Variants in TFB1M observed in about 807,000 individuals in gnomAD.
The protein encoded by TFB1M is dimethyladenosine transferase 1, mitochondrial.
Under a neutral mutation model 31.1 loss-of-function variants are expected in TFB1M, and 27 were observed. The observed-to-expected ratio is 0.87, with a 90% CI of 0.64 to 1.20. TFB1M has a LOEUF of 1.20. Ranked by LOEUF, TFB1M falls within the 50% of genes most tolerant of loss-of-function variation. The probability of loss-of-function intolerance (pLI) is 0.00; values close to 1 mark genes in which losing one functional copy is unlikely to be tolerated. For synonymous variants in TFB1M, 166 were observed against 151.8 expected, an observed-to-expected ratio of 1.09 and a Z score of -0.69; for missense variants, 394 against 418.7, an observed-to-expected ratio of 0.94 and a Z score of 0.51.
chr6:155,256,934 A>G lies in TFB1M; in HGVS notation c.*902T>C, dbSNP rs1224720728. The G allele has an allele frequency of 1.9e-6, 3 of 1,614,082 alleles. No homozygotes were observed. The highest frequency in any genetic ancestry group is 1.7e-6 in the Non-Finnish European group (2 of 1,180,052). On this transcript the variant is annotated 3_prime_UTR_variant, in exon 7 of 7. Transcript: ENST00000367166. ...TTCTGCCCCATTAAACGAAAAGCCA[A>G]CAGCACCAAGAGGGACAGAGGAACT...
chr6:155,254,406 C>T, downstream of TFB1M: 1 of 1,605,040 alleles, frequency 6.2e-7, no homozygotes, highest in Non-Finnish European at 8.5e-7. Context: ...GTTTTCTCTC[C>T]CCCCCCACCC....
At chr6:155,251,097 C>A in the TFB1M span, 2 of 1,251,392 alleles carry the variant, frequency 1.6e-6, no homozygotes, top group Non-Finnish European at 2.3e-6. Context: ...CCGCACCAGT[C>A]CAGCTCACTC....
chr6:155,262,567 C>T (rs1784438617), intron 5 of TFB1M, among the ~76,000 whole-genome samples: 1 of 152,192 alleles, frequency 6.6e-6, no homozygotes. Context: ...TTCTTACTAG[C>T]AGCCTGCTAG....
At chr6:155,246,768 G>A in the TFB1M span, among the ~76,000 whole-genome samples, 27 of 152,232 alleles carry the variant, frequency 1.8e-4, no homozygotes, top group South Asian at 4.1e-4. Flanking sequence ...TTGTCATAAA[G>A]AAGAGGGGTC....
chr6:155,295,010 T>C (rs1777100060), intron 4 of TFB1M, among the ~76,000 whole-genome samples: 1 of 152,204 alleles, frequency 6.6e-6, no homozygotes, highest in Admixed American at 6.5e-5. Context: ...CTACAAAGAA[T>C]GTTCAGGATA....
chr6:155,273,259 A>G (rs1395945910), intron 5 of TFB1M, among the ~76,000 whole-genome samples: 1 of 152,234 alleles, frequency 6.6e-6, no homozygotes, highest in Non-Finnish European at 1.5e-5. Context: ...TCCTAGGCAC[A>G]CTGATGTCTA....
chr6:155,251,098 C>T, the TFB1M span: 3 of 1,252,430 alleles, frequency 2.4e-6, no homozygotes, highest in Non-Finnish European at 2.3e-6. Context: ...CGCACCAGTC[C>T]AGCTCACTCC....
chr6:155,311,130 G>T, intron 2 of TFB1M, 58 bp downstream of exon 2: 2 of 1,584,200 alleles, frequency 1.3e-6, no homozygotes, highest in South Asian at 1.1e-5. Context: ...TAAGCATCAT[G>T]GCATAAAGAT....
the TFB1M span, chr6:155,250,880 G>T: frequency 6.3e-7 from 1 of 1,598,388 alleles, no homozygotes; most frequent in Non-Finnish European, 8.6e-7. Flanking sequence ...TGGGATTTCC[G>T]TATCTTCCTT....
intron 5 of TFB1M, chr6:155,264,434 A>G (rs1245572766): frequency 6.6e-6 from 1 of 152,256 alleles, no homozygotes; most frequent in African/African-American, 2.4e-5. Context: ...ATCCATGTCC[A>G]AAAGCCAATT....
chr6:155,279,238 C>G (rs1376007674), intron 5 of TFB1M, among the ~76,000 whole-genome samples: 1 of 149,924 alleles, frequency 6.7e-6, no homozygotes, highest in African/African-American at 2.5e-5. Context: ...ACCTGTGGAG[C>G]ACGTGTATAT....
Position 155,256,709 on chromosome 6 carries a change from G to A in TFB1M, c.*1127C>T. The A allele has an allele frequency of 6.2e-7, 1 of 1,614,240 alleles. No individual in the cohort carries two copies. On this transcript the variant is annotated 3_prime_UTR_variant, in exon 7 of 7. Transcript: ENST00000367166. ...TTTGCCGACAATCTCATCAAAGAGA[G>A]TGACATCCTGAGCGATGAAGATGAT...
At chr6:155,244,569 C>T in the TFB1M span, 1 of 1,456,488 alleles carries the variant, frequency 6.9e-7, no homozygotes, top group East Asian at 2.3e-5. Context: ...GAAGAATTTC[C>T]TTGTGATTTA....
At chr6:155,276,623 G>A (rs973499117) in intron 5 of TFB1M, 7 of 403,810 alleles carry the variant, frequency 1.7e-5, no homozygotes, top group Non-Finnish European at 3.1e-5. Flanking sequence ...ATTGAAAGAG[G>A]TTCTGATTAC....
intron 5 of TFB1M, among the ~76,000 whole-genome samples, chr6:155,278,197 C>T (rs1023215239): frequency 6.6e-6 from 1 of 152,224 alleles, no homozygotes; most frequent in South Asian, 2.1e-4. Flanking sequence ...CACTCCCTCA[C>T]TACCAAAGCT....
intron 4 of TFB1M, among the ~76,000 whole-genome samples, chr6:155,295,580 C>G (rs1572239): frequency 0.38 from 58,297 of 151,656 alleles, 11,731 homozygotes; most frequent in East Asian, 0.66. Context: ...CAGGAGTTCC[C>G]TTTATTAAGT....
At chr6:155,251,908 T>C (rs1327009267), downstream of TFB1M, 4 of 1,541,890 alleles carry the variant, frequency 2.6e-6, no homozygotes, top group Non-Finnish European at 3.6e-6. Flanking sequence ...AGAGTTTGCA[T>C]AAAATAAAGA....
At chr6:155,251,099 A>G in the TFB1M span, 1 of 1,257,640 alleles carries the variant, frequency 8.0e-7, no homozygotes, top group African/African-American at 1.5e-5. Flanking sequence ...GCACCAGTCC[A>G]GCTCACTCCT....
chr6:155,275,499 T>A, intron 5 of TFB1M: 1 of 507,702 alleles, frequency 2.0e-6, no homozygotes, highest in East Asian at 3.4e-5. Context: ...CATCCTCATC[T>A]GCTTGGGGGC....
Sources: allele counts gnomAD v4.1 joint callset (sites outside exome capture counted in the v4.1 genomes callset), GRCh38; gene constraint gnomAD v4.1.1; transcripts MANE v1.5; gene names NCBI Gene and HGNC (gene_info 2026-07-23, HGNC 2026-07-21).